Variants in PTPRG observed in about 807,000 individuals in gnomAD.
PTPRG encodes receptor-type tyrosine-protein phosphatase gamma.
Under a neutral mutation model 165.3 loss-of-function variants are expected in PTPRG, and 102 were observed. That is an observed-to-expected ratio of 0.62 (90% CI 0.53 to 0.73). The LOEUF (loss-of-function observed/expected upper bound fraction) is 0.73. Ranked by LOEUF, PTPRG falls within the 30% of genes least tolerant of loss-of-function variation. The pLI is 0.00. For missense variants in PTPRG, 1,866 were observed against 1,861.4 expected, an observed-to-expected ratio of 1.00 and a Z score of -0.05; for synonymous variants, 675 against 669.5, an observed-to-expected ratio of 1.01 and a Z score of -0.13.
chr3:62,115,332 G>A (rs778308840), intron 5 of PTPRG, among the ~76,000 whole-genome samples: 2 of 151,940 alleles, frequency 1.3e-5, no homozygotes, highest in African/African-American at 2.4e-5. Context: ...CTTTCCCTTG[G>A]GTGATTTAAA....
At chr3:62,208,024 A>G (rs368401819) in intron 12 of PTPRG, among the ~76,000 whole-genome samples, 1 of 152,318 alleles carries the variant, frequency 6.6e-6, no homozygotes, top group East Asian at 1.9e-4. Flanking sequence ...TCAAATTTTT[A>G]AAACAATTTC....
chr3:62,103,292 C>T (rs1408820231), intron 5 of PTPRG, among the ~76,000 whole-genome samples: 1 of 115,252 alleles, frequency 8.7e-6, no homozygotes, highest in Non-Finnish European at 1.8e-5. Flanking sequence ...AAGTGAAGGT[C>T]TTAATAAAAT....
intron 2 of PTPRG, among the ~76,000 whole-genome samples, chr3:61,883,691 G>A (rs1400073745): frequency 6.6e-6 from 1 of 152,092 alleles, no homozygotes; most frequent in Non-Finnish European, 1.5e-5. Flanking sequence ...TAGTTACCTT[G>A]TCAAAGTCGC....
chr3:61,740,474 T>G (rs2032932342), intron 1 of PTPRG, among the ~76,000 whole-genome samples: 1 of 152,220 alleles, frequency 6.6e-6, no homozygotes, highest in Admixed American at 6.5e-5. Flanking sequence ...TTTCTGAAGT[T>G]TTAAAACTGA....
chr3:61,988,032 G>A (rs536052309), intron 2 of PTPRG, among the ~76,000 whole-genome samples: 1 of 152,280 alleles, frequency 6.6e-6, no homozygotes, highest in African/African-American at 2.4e-5. Flanking sequence ...ATCGTGCAGT[G>A]AAGAAAATGG....
chr3:61,694,025 A>AAAAGAGAGAG (rs1553650991), intron 1 of PTPRG, among the ~76,000 whole-genome samples: 23 of 145,932 alleles, frequency 1.6e-4, no homozygotes, highest in African/African-American at 5.8e-4. Context: ...AAAAAAAAAA[A>AAAAGAGAGAG]AGAGAGAGAG....
chr3:62,264,751 A>G (rs1215895894), intron 17 of PTPRG, among the ~76,000 whole-genome samples: 1 of 152,162 alleles, frequency 6.6e-6, no homozygotes, highest in Non-Finnish European at 1.5e-5. Context: ...CGCTATGAGC[A>G]TTCATGTACA....
At chr3:62,092,340 C>G (rs12715577) in intron 5 of PTPRG, among the ~76,000 whole-genome samples, 1 of 150,056 alleles carries the variant, frequency 6.7e-6, no homozygotes, top group South Asian at 2.1e-4. Context: ...CTCGGGAGGC[C>G]GAGGCAGGAG....
intron 16 of PTPRG, among the ~76,000 whole-genome samples, chr3:62,260,442 A>G (rs2148855624): frequency 6.6e-6 from 1 of 152,246 alleles, no homozygotes; most frequent in Middle Eastern, 3.4e-3. Context: ...CACCTCCCTA[A>G]AATTCTCGTT....
rs149641730 is a variant in PTPRG at position 62,106,503 on chromosome 3, CTTTTTT to C, written c.616-26087_616-26082del. 3.4e-5 allele frequency among the ~76,000 whole-genome samples: 4 copies of C among 118,584 alleles called. No homozygotes were observed. In the East Asian group the frequency reaches 7.4e-4, roughly 22 times the overall value. The allele number at this position is 118,584 out of a possible 152,430, so 77.8% of individuals were successfully genotyped here. On this transcript the variant is annotated intron_variant, in intron 5 of 29. Coordinates refer to ENST00000474889, the MANE Select transcript of PTPRG (RefSeq NM_002841.4). ...TTGGTCCCCTGCAAACTCTTAAAGG[CTTTTTT>C]TTTTTTTTTTTGGCTTGATCTCACT...
chr3:62,265,894 T>C (rs1485526427), intron 17 of PTPRG, among the ~76,000 whole-genome samples: 5 of 26,474 alleles, frequency 1.9e-4, no homozygotes, highest in African/African-American at 5.9e-4. Flanking sequence ...CTGTGCCTTA[T>C]ATACACACAC....
At chr3:62,182,758 C>T (rs1705708858) in intron 8 of PTPRG, among the ~76,000 whole-genome samples, 1 of 152,226 alleles carries the variant, frequency 6.6e-6, no homozygotes, top group Non-Finnish European at 1.5e-5. Flanking sequence ...CTTCCAGGTT[C>T]AAGCAATTCT....
At chr3:61,786,322 A>G (rs2034700440) in intron 2 of PTPRG, among the ~76,000 whole-genome samples, 3 of 152,212 alleles carry the variant, frequency 2.0e-5, no homozygotes, top group Admixed American at 2.0e-4. Context: ...TAAAGGACAT[A>G]GATTGTGGCT....
In PTPRG at chr3:62,296,276, G is replaced by A. The variant is rs1323593578; in HGVS notation, c.*2969G>A. The A allele has an allele frequency of 6.6e-6, 1 of 151,888 alleles. No homozygotes were observed. Among genetic ancestry groups the A allele is most frequent in the Admixed American group, 6.6e-5 (1 of 15,218 alleles). 9.4% of individuals were successfully genotyped at this position (151,888 alleles called of 1,614,324 possible). A position where few individuals can be genotyped will look rare whatever the true frequency, so the allele number is the denominator to read the frequency against. On this transcript the variant is annotated 3_prime_UTR_variant, in exon 30 of 30. Transcript: ENST00000474889. The stretch of plus-strand genomic sequence containing the variant: ...GAGTTTTTAGTCTATTCAAGTAGAA[G>A]AGTCCAGCGAGGCCAAAGAAGGGTT...
chr3:61,690,232 T>A (rs1329761823), intron 1 of PTPRG, among the ~76,000 whole-genome samples: 2 of 152,170 alleles, frequency 1.3e-5, no homozygotes, highest in African/African-American at 4.8e-5. Flanking sequence ...CACTATCACT[T>A]CTTGGAAATG....
At chr3:62,027,544 A>G (rs1367539965) in intron 4 of PTPRG, among the ~76,000 whole-genome samples, 1 of 152,082 alleles carries the variant, frequency 6.6e-6, no homozygotes, top group Non-Finnish European at 1.5e-5. Context: ...CTTAAAAATA[A>G]TTTGTCGCTT....
At chr3:61,727,616 G>A (rs2032319651) in intron 1 of PTPRG, among the ~76,000 whole-genome samples, 1 of 152,198 alleles carries the variant, frequency 6.6e-6, no homozygotes, top group Non-Finnish European at 1.5e-5. Flanking sequence ...ATGATTGCTA[G>A]GTTACAGCCA....
chr3:61,909,245 A>G (rs1410705168), intron 2 of PTPRG, among the ~76,000 whole-genome samples: 2 of 152,256 alleles, frequency 1.3e-5, no homozygotes, highest in Non-Finnish European at 2.9e-5. Context: ...TACAAGTTAC[A>G]TAAGCGTTTC....
At position 62,294,292 on chromosome 3, in the gene PTPRG, CAT is replaced by C. The variant is rs1576238245; in HGVS notation, c.*987_*988del. 6.6e-6 allele frequency: 1 copy of C among 152,076 alleles called. No individual in the cohort carries two copies. Among genetic ancestry groups the C allele is most frequent in the Admixed American group, 6.6e-5 (1 of 15,256 alleles). The allele number at this position is 152,076 out of a possible 1,614,324, so 9.4% of individuals were successfully genotyped here. On this transcript the variant is annotated 3_prime_UTR_variant, in exon 30 of 30. Transcript: ENST00000474889. ...ATAGCAATCTAATAAAAACTACCTA[CAT>C]AGTTACTGTTTTCTTTCCTTCTTTG...
Sources: gnomAD v4.1 joint callset for allele counts (sites outside exome capture counted in the v4.1 genomes callset) on GRCh38, gnomAD v4.1.1 for gene constraint, MANE v1.5 for transcripts, NCBI Gene and HGNC (gene_info 2026-07-23, HGNC 2026-07-21) for gene names.